The following ELP4 variants were observed in gnomAD, a reference collection of about 807,000 sequenced individuals.
ELP4 encodes the protein elongator acetyltransferase complex subunit 4.
Under a neutral mutation model 48.9 loss-of-function variants are expected in ELP4, and 51 were observed. That is an observed-to-expected ratio of 1.04 (90% CI 0.83 to 1.32). The LOEUF is 1.32. ELP4 is among the 40% of genes most tolerant of loss of function. The pLI is 0.00. For missense variants in ELP4, 519 were observed against 514.6 expected (o/e 1.01, Z -0.08); for synonymous variants, 210 against 189.2 (o/e 1.11, Z -0.90).
chr11:31,583,414 G>C (rs75259586), intron 3 of ELP4, among the ~76,000 whole-genome samples: 1 of 152,062 alleles, frequency 6.6e-6, no homozygotes, highest in Non-Finnish European at 1.5e-5. Flanking sequence ...TAACAGTAGA[G>C]AAATGATAAA....
intron 4 of ELP4, among the ~76,000 whole-genome samples, chr11:31,595,267 A>T (rs761180846): frequency 1.3e-5 from 2 of 152,122 alleles, no homozygotes; most frequent in Non-Finnish European, 2.9e-5. Context: ...CAATCATTAC[A>T]TTTTCAAACT....
At chr11:31,598,065 C>T (rs1180108636) in intron 4 of ELP4, among the ~76,000 whole-genome samples, 2 of 149,504 alleles carry the variant, frequency 1.3e-5, no homozygotes, top group Non-Finnish European at 3.0e-5. Flanking sequence ...AAGCGATTCT[C>T]CTGCCTCAGC....
In ELP4 at chr11:31,576,913, C is replaced by A. The variant is rs1451219750; in HGVS notation, c.382-17857C>A. Among the ~76,000 whole-genome samples, 6 of 152,100 alleles carry A rather than the reference C, an allele frequency of 3.9e-5. 1 individual carries two copies. Among genetic ancestry groups the A allele is most frequent in the Admixed American group, 3.9e-4 (6 of 15,278 alleles). On this transcript the variant is annotated intron_variant, in intron 3 of 9. Transcript: ENST00000640961. ...AACCAAGAGCAAACACATTCAAAAG[C>A]TAGCAGAAGGTAAGAGATAACTAAG...
intron 9 of ELP4, among the ~76,000 whole-genome samples, chr11:31,685,177 C>G (rs1028798705): frequency 6.6e-6 from 1 of 151,918 alleles, no homozygotes; most frequent in Non-Finnish European, 1.5e-5. Flanking sequence ...ATGGTGAAAC[C>G]CTGTCTCTAC....
intron 9 of ELP4, among the ~76,000 whole-genome samples, chr11:31,725,422 G>T (rs1565128035): frequency 6.6e-6 from 1 of 152,122 alleles, no homozygotes; most frequent in South Asian, 2.1e-4. Flanking sequence ...CCAGACCATG[G>T]TCATGCAAGC....
chr11:31,774,577 GA>G (rs1371174359), intron 9 of ELP4, among the ~76,000 whole-genome samples: 1 of 152,202 alleles, frequency 6.6e-6, no homozygotes, highest in African/African-American at 2.4e-5. Flanking sequence ...AAAGTGGCAA[GA>G]AGCTACCAAC....
intron 9 of ELP4, among the ~76,000 whole-genome samples, chr11:31,693,036 A>G (rs1946314158): frequency 6.6e-6 from 1 of 152,200 alleles, no homozygotes; most frequent in Admixed American, 6.6e-5. Flanking sequence ...CAAGCCTAGC[A>G]GAGTTTCTGA....
intron 6 of ELP4, among the ~76,000 whole-genome samples, chr11:31,630,215 T>C (rs573844113): frequency 2.1e-5 from 3 of 145,072 alleles, no homozygotes; most frequent in African/African-American, 7.6e-5. Flanking sequence ...CTAATGTGCT[T>C]ATTCTAAAAT....
At chr11:31,519,427 TGCTAAATATAACATTATTG>T (rs1295353602) in intron 1 of ELP4, among the ~76,000 whole-genome samples, 1 of 152,244 alleles carries the variant, frequency 6.6e-6, no homozygotes, top group East Asian at 1.9e-4. Context: ...TATTAACAAG[TGCTAAATATAACATTATTG>T]GAGTCCTTAA....
At chr11:31,593,185 A>G (rs934105303) in intron 3 of ELP4, among the ~76,000 whole-genome samples, 1 of 152,092 alleles carries the variant, frequency 6.6e-6, no homozygotes, top group Non-Finnish European at 1.5e-5. Context: ...TTACATTTTT[A>G]ACTTATTTAC....
chr11:31,545,186 G>GA (rs1565045112), intron 3 of ELP4, among the ~76,000 whole-genome samples: 1 of 152,110 alleles, frequency 6.6e-6, no homozygotes, highest in Non-Finnish European at 1.5e-5. Flanking sequence ...ATCAAACTAC[G>GA]AGCTACAGGA....
rs1948625872 is a variant in ELP4, at chr11:31,786,378, T to G, written c.*2854T>G. On this transcript the variant is annotated 3_prime_UTR_variant, in exon 10 of 10. Coordinates refer to ENST00000640961, the MANE Select transcript of ELP4 (RefSeq NM_019040.5). The stretch of plus-strand genomic sequence containing the variant: ...TTATTGAAATAAGCAGTACTAACCC[T>G]AAGTACTTACACTTTGAACTTTAAA... 4.7e-6 allele frequency: 1 copy of G among 212,706 alleles called. No homozygotes were observed. The highest frequency in any genetic ancestry group is 2.3e-5 in the African/African-American group (1 of 44,256). The allele number at this position is 212,706 out of a possible 1,614,324, so 13.2% of individuals were successfully genotyped here.
At chr11:31,684,229 CAGAATCTCCCTT>C (rs1821683450) in intron 9 of ELP4, among the ~76,000 whole-genome samples, 1 of 151,380 alleles carries the variant, frequency 6.6e-6, no homozygotes, top group African/African-American at 2.4e-5. Context: ...AAAAAAAAAC[CAGAATCTCCCTT>C]TGTCACCCAG....
At chr11:31,594,700 A>G in intron 3 of ELP4, 70 bp from the exon 4 acceptor site, 1 of 1,086,274 alleles carries the variant, frequency 9.2e-7, no homozygotes, top group Non-Finnish European at 1.3e-6. Context: ...AGTGTTGCTA[A>G]TATTATGGTT....
chr11:31,548,013 A>G (rs1323344621), intron 3 of ELP4, among the ~76,000 whole-genome samples: 2 of 152,212 alleles, frequency 1.3e-5, no homozygotes, highest in African/African-American at 2.4e-5. Flanking sequence ...ATCTATGACA[A>G]ACACACAGCC....
At chr11:31,724,932 C>T (rs1947044023) in intron 9 of ELP4, among the ~76,000 whole-genome samples, 1 of 152,178 alleles carries the variant, frequency 6.6e-6, no homozygotes, top group African/African-American at 2.4e-5. Context: ...ATGCAGACTT[C>T]AATGAGGATC....
At chr11:31,543,431 T>A (rs975741130) in intron 3 of ELP4, among the ~76,000 whole-genome samples, 1 of 152,144 alleles carries the variant, frequency 6.6e-6, no homozygotes, top group Non-Finnish European at 1.5e-5. Context: ...GCCATTCTCC[T>A]GCCTCAGCCT....
intron 3 of ELP4, among the ~76,000 whole-genome samples, chr11:31,544,818 G>A (rs935361693): frequency 6.6e-6 from 1 of 152,168 alleles, no homozygotes; most frequent in Non-Finnish European, 1.5e-5. Context: ...CCAGAGGAAC[G>A]ATCAGACAGC....
intron 9 of ELP4, among the ~76,000 whole-genome samples, chr11:31,710,183 A>G (rs1317953648): frequency 6.6e-6 from 1 of 152,228 alleles, no homozygotes. Flanking sequence ...ACAAGGGGGA[A>G]ATTACTGTTG....
Sources: gnomAD v4.1 joint callset for allele counts (sites outside exome capture counted in the v4.1 genomes callset) on GRCh38, gnomAD v4.1.1 for gene constraint, MANE v1.5 for transcripts, NCBI Gene and HGNC (gene_info 2026-07-23, HGNC 2026-07-21) for gene names.